The following TECRL variants were observed in gnomAD, a reference collection of about 807,000 sequenced individuals.
TECRL encodes trans-2,3-enoyl-CoA reductase like, also known as trans-2,3-enoyl-CoA reductase-like.
Under a neutral mutation model 52.8 loss-of-function variants are expected in TECRL, and 63 were observed. The ratio of observed to expected loss-of-function variants is 1.19; its 90% CI spans 0.97 to 1.47. The LOEUF (loss-of-function observed/expected upper bound fraction) is 1.47. Ranked by LOEUF, TECRL falls within the 40% of genes most tolerant of loss-of-function variation. The probability of loss-of-function intolerance (pLI) is 0.00; values close to 1 mark genes in which losing one functional copy is unlikely to be tolerated. For missense variants in TECRL, 482 were observed against 429.6 expected (o/e 1.12, Z -1.08); for synonymous variants, 164 against 141.9 (o/e 1.16, Z -1.10).
At chr4:64,296,229 T>C (rs544340666) in intron 8 of TECRL, among the ~76,000 whole-genome samples, 1 of 151,882 alleles carries the variant, frequency 6.6e-6, no homozygotes, top group African/African-American at 2.4e-5. Flanking sequence ...CTGTGGTTTA[T>C]ATAGTAGGGA....
At chr4:64,309,734 A>C (rs1305876928) in intron 6 of TECRL, 92 bp downstream of exon 6, 2 of 845,334 alleles carry the variant, frequency 2.4e-6, no homozygotes, top group Non-Finnish European at 3.9e-6. Flanking sequence ...GTGAAAATCT[A>C]AGTTTCGGAA....
intron 1 of TECRL, among the ~76,000 whole-genome samples, chr4:64,394,964 G>A (rs1430844424): frequency 1.6e-5 from 2 of 128,250 alleles, no homozygotes; most frequent in Admixed American, 1.9e-4. Flanking sequence ...CCAGACTGGT[G>A]TGCAGTGGCA....
At position 64,363,229 on chromosome 4, in the gene TECRL, A is replaced by G. The variant is rs548649985; in HGVS notation, c.286+11943T>C. Among the ~76,000 whole-genome samples the G allele has an allele frequency of 3.9e-5, 6 of 152,294 alleles. No homozygotes were observed. In the East Asian group the frequency reaches 1.2e-3, roughly 29 times the overall value. On this transcript the variant is annotated intron_variant, in intron 2 of 11. Coordinates refer to ENST00000381210, the MANE Select transcript of TECRL (RefSeq NM_001010874.5). ...TTATGAAGAGACTTAGATAACCACAAAATAATAGTGGGAAACTTCAACACC... is the reference window on the plus strand; with the variant it reads ...TTATGAAGAGACTTAGATAACCACAGAATAATAGTGGGAAACTTCAACACC...
Position 64,289,778 on chromosome 4 carries a change from T to G in TECRL, c.775-11A>C. On this transcript the variant is annotated splice_polypyrimidine_tract_variant and intron_variant, in intron 8 of 11. Transcript: ENST00000381210. ...CCCAGCTTCACAAATCTGCAAAACA[T>G]TTTAAACACTTTCAGTGTGATACAC... 1 of 1,538,034 alleles carries G rather than the reference T, an allele frequency of 6.5e-7. No homozygotes were observed. The highest frequency in any genetic ancestry group is 8.7e-7 in the Non-Finnish European group (1 of 1,150,880).
intron 7 of TECRL, 143 bp downstream of exon 7, chr4:64,305,023 T>C: frequency 1.8e-6 from 1 of 567,092 alleles, no homozygotes; most frequent in Non-Finnish European, 3.0e-6. Flanking sequence ...TAGGCCTACA[T>C]AAACATTTAA....
At chr4:64,320,125 T>C (rs907702250) in intron 4 of TECRL, among the ~76,000 whole-genome samples, 1 of 150,230 alleles carries the variant, frequency 6.7e-6, no homozygotes, top group Non-Finnish European at 1.5e-5. Flanking sequence ...ATAACTTTAA[T>C]TAATTAACAG....
chr4:64,401,028 C>T (rs564451681), intron 1 of TECRL, among the ~76,000 whole-genome samples: 12 of 152,248 alleles, frequency 7.9e-5, no homozygotes, highest in African/African-American at 2.6e-4. Flanking sequence ...CTAAGCAGAT[C>T]CCAATACTAT....
At chr4:64,348,751 A>T (rs1040654481) in intron 2 of TECRL, among the ~76,000 whole-genome samples, 4 of 152,098 alleles carry the variant, frequency 2.6e-5, no homozygotes, top group African/African-American at 9.7e-5. Context: ...TGGGGTTTTT[A>T]AAAAATTGTA....
At chr4:64,388,291 A>G (rs1723316950) in intron 1 of TECRL, among the ~76,000 whole-genome samples, 1 of 142,460 alleles carries the variant, frequency 7.0e-6, no homozygotes, top group Non-Finnish European at 1.5e-5. Context: ...TATTTTCTAC[A>G]TTATGTTGCC....
intron 5 of TECRL, among the ~76,000 whole-genome samples, chr4:64,310,895 A>AT (rs980339744): frequency 6.6e-5 from 10 of 151,934 alleles, no homozygotes; most frequent in African/African-American, 2.2e-4. Context: ...ATTTTTTTGT[A>AT]TTTTTTGTAG....
At chr4:64,365,467 C>G (rs1721528607) in intron 2 of TECRL, among the ~76,000 whole-genome samples, 1 of 152,046 alleles carries the variant, frequency 6.6e-6, no homozygotes, top group Non-Finnish European at 1.5e-5. Context: ...GGATATGATT[C>G]TGTATCCGGA....
chr4:64,341,383 C>G (rs985312896), intron 2 of TECRL, among the ~76,000 whole-genome samples: 1 of 152,008 alleles, frequency 6.6e-6, no homozygotes, highest in African/African-American at 2.4e-5. Context: ...TGTGGATCAC[C>G]TGAGATCAGG....
At chr4:64,400,263 T>C (rs1020833629) in intron 1 of TECRL, among the ~76,000 whole-genome samples, 2 of 152,218 alleles carry the variant, frequency 1.3e-5, no homozygotes, top group Non-Finnish European at 2.9e-5. Context: ...TTTCTTTTAG[T>C]GGGTTTCTCC....
chr4:64,287,079 C>T (rs1723117642), intron 9 of TECRL, among the ~76,000 whole-genome samples: 1 of 152,128 alleles, frequency 6.6e-6, no homozygotes, highest in African/African-American at 2.4e-5. Context: ...CATTCAATCT[C>T]TTAATGAAAT....
chr4:64,340,768 C>T (rs957002145), intron 2 of TECRL, among the ~76,000 whole-genome samples: 1 of 152,182 alleles, frequency 6.6e-6, no homozygotes, highest in Non-Finnish European at 1.5e-5. Context: ...GATGGGGACC[C>T]AGCTGCCAGT....
intron 1 of TECRL, among the ~76,000 whole-genome samples, chr4:64,384,897 C>T (rs1343935599): frequency 6.6e-6 from 1 of 152,122 alleles, no homozygotes; most frequent in African/African-American, 2.4e-5. Flanking sequence ...CAGTTCTCCC[C>T]AATGTTATCT....
intron 6 of TECRL, 62 bp downstream of exon 6, chr4:64,309,764 T>C: frequency 9.3e-7 from 1 of 1,073,468 alleles, no homozygotes. Context: ...GATTAAATAT[T>C]TTGCAAAGGA....
At chr4:64,322,453 TAAAAAAAAAAAAA>T (rs77102922) in intron 4 of TECRL, among the ~76,000 whole-genome samples, 1 of 114,636 alleles carries the variant, frequency 8.7e-6, no homozygotes, top group Non-Finnish European at 1.8e-5. Flanking sequence ...GGGTTGACTT[TAAAAAAAAAAAAA>T]AAAAAAAAAG....
rs1048079900 is a variant in TECRL, at chr4:64,334,779, C to T, written c.287-6223G>A. On this transcript the variant is annotated intron_variant, in intron 2 of 11. Coordinates refer to ENST00000381210, the MANE Select transcript of TECRL (RefSeq NM_001010874.5). ...GATGCATAAAGCAACAAGCTGGTTG[C>T]CTGTGATACGAAGCACAAAGCAAGA... Among the ~76,000 whole-genome samples the T allele has an allele frequency of 2.6e-5, 4 of 152,080 alleles. No individual in the cohort carries two copies. The South Asian group carries it at 6.2e-4, about 24-fold the overall frequency.
Sources: allele counts gnomAD v4.1 joint callset (sites outside exome capture counted in the v4.1 genomes callset), GRCh38; gene constraint gnomAD v4.1.1; transcripts MANE v1.5; gene names NCBI Gene and HGNC (gene_info 2026-07-23, HGNC 2026-07-21).